KIRREL3: variants seen among roughly 807,000 people sequenced by gnomAD.
The protein encoded by KIRREL3 is kin of IRRE-like protein 3.
Under a neutral mutation model 89.7 loss-of-function variants are expected in KIRREL3, and 36 were observed. The ratio of observed to expected loss-of-function variants is 0.40; its 90% CI spans 0.31 to 0.53. The LOEUF (loss-of-function observed/expected upper bound fraction) is 0.53. Ranked by LOEUF, KIRREL3 falls within the 20% of genes least tolerant of loss-of-function variation. The pLI, the probability that KIRREL3 is intolerant of heterozygous loss-of-function variation, is 0.49. For missense variants in KIRREL3, 864 were observed against 1,056.6 expected (o/e 0.82, Z 2.53); for synonymous variants, 445 against 441.4 (o/e 1.01, Z -0.10).
chr11:126,544,104 T>C lies in KIRREL3; in HGVS notation c.134-17417A>G, dbSNP rs1185972382. On this transcript the variant is annotated intron_variant, in intron 2 of 16. Coordinates refer to ENST00000525144, the MANE Select transcript of KIRREL3 (RefSeq NM_032531.4). The surrounding 1 kb of genome is among the most constrained non-coding windows in gnomAD (Gnocchi z 5.6). ...TGCCCCTGGAGGTGGCGACAGCTCC[T>C]CTAATAAGAGAGTTACTCATGGCTT... 6.6e-6 allele frequency: 1 copy of C among 152,244 alleles called. No homozygotes were observed. The highest frequency in any genetic ancestry group is 2.4e-5 in the African/African-American group (1 of 41,460). 9.4% of individuals were successfully genotyped at this position (152,244 alleles called of 1,614,324 possible). A position where few individuals can be genotyped will look rare whatever the true frequency, so the allele number is the denominator to read the frequency against.
At chr11:126,625,594 A>G (rs1265347848) in intron 1 of KIRREL3, among the ~76,000 whole-genome samples, 5 of 152,178 alleles carry the variant, frequency 3.3e-5, no homozygotes, top group Non-Finnish European at 7.3e-5. Flanking sequence ...AACTCCTTGC[A>G]TGATATTCAC....
At chr11:126,698,533 A>C (rs1947188244) in intron 1 of KIRREL3, among the ~76,000 whole-genome samples, 1 of 152,190 alleles carries the variant, frequency 6.6e-6, no homozygotes, top group African/African-American at 2.4e-5. Flanking sequence ...TGGCAGAGAC[A>C]CCGGCCCGTG....
intron 1 of KIRREL3, among the ~76,000 whole-genome samples, chr11:126,942,131 G>A (rs1454954460): frequency 6.6e-6 from 1 of 152,182 alleles, no homozygotes; most frequent in Non-Finnish European, 1.5e-5. Flanking sequence ...TTCTGGAATA[G>A]AGCGTACGCC....
In KIRREL3 at chr11:126,569,763, G is replaced by T. The variant is rs745830305; in HGVS notation, c.56-6851C>A. On this transcript the variant is annotated intron_variant, in intron 1 of 16. Coordinates refer to ENST00000525144, the MANE Select transcript of KIRREL3 (RefSeq NM_032531.4). This position sits in a 1 kb window ranked among gnomAD's most constrained non-coding sequence, Gnocchi z 6.5. Reference sequence around the variant, plus strand: ...GAGGTCCTTGCAAAAGGCCTTGAAAGCTGGAGATTGTCCCTAGTTTTGTCT... The same window carrying T: ...GAGGTCCTTGCAAAAGGCCTTGAAATCTGGAGATTGTCCCTAGTTTTGTCT... Among the ~76,000 whole-genome samples the T allele has an allele frequency of 2.6e-5, 4 of 152,186 alleles. No individual in the cohort carries two copies. Among genetic ancestry groups the T allele is most frequent in the Non-Finnish European group, 5.9e-5 (4 of 68,032 alleles).
At chr11:126,524,079 T>A (rs1476067519) in intron 3 of KIRREL3, among the ~76,000 whole-genome samples, 4 of 152,210 alleles carry the variant, frequency 2.6e-5, no homozygotes, top group Middle Eastern at 3.2e-3. Context: ...AGAGTCTGGG[T>A]TCTATAGTCG....
chr11:126,759,192 C>T (rs147073217), intron 1 of KIRREL3, among the ~76,000 whole-genome samples: 74 of 152,250 alleles, frequency 4.9e-4, no homozygotes, highest in Non-Finnish European at 9.1e-4. Flanking sequence ...GCTCATGGTG[C>T]GATCTCGGCT....
At chr11:126,930,902 T>C (rs532026450) in intron 1 of KIRREL3, among the ~76,000 whole-genome samples, 5 of 152,348 alleles carry the variant, frequency 3.3e-5, no homozygotes, top group African/African-American at 1.2e-4. Context: ...TTGCCTCCTC[T>C]GTACATGTTC....
intron 1 of KIRREL3, among the ~76,000 whole-genome samples, chr11:126,962,030 C>T (rs1054784615): frequency 6.6e-6 from 1 of 152,188 alleles, no homozygotes; most frequent in Non-Finnish European, 1.5e-5. Flanking sequence ...AATATTACTG[C>T]TCATTGACAC....
intron 1 of KIRREL3, among the ~76,000 whole-genome samples, chr11:126,939,360 G>A (rs893948880): frequency 2.6e-5 from 4 of 152,172 alleles, no homozygotes; most frequent in African/African-American, 9.7e-5. Flanking sequence ...ACAAGTAATT[G>A]GTTCTCTTAA....
chr11:126,607,838 C>T lies in KIRREL3; in HGVS notation c.56-44926G>A, dbSNP rs144641451. Among the ~76,000 whole-genome samples, 2 of 152,280 alleles carry T rather than the reference C, an allele frequency of 1.3e-5. No individual in the cohort carries two copies. The highest frequency in any genetic ancestry group is 1.9e-4 in the East Asian group (1 of 5,174). ...AATAGGGAGCGTTGCTGAGCACTTG[C>T]AATCAAGACAGAGTTGCCACCCACT... is the stretch of plus-strand genomic sequence containing the variant. On this transcript the variant is annotated intron_variant, in intron 1 of 16. Coordinates refer to ENST00000525144, the MANE Select transcript of KIRREL3 (RefSeq NM_032531.4). This position sits in a 1 kb window ranked among gnomAD's most constrained non-coding sequence, Gnocchi z 6.6.
At chr11:126,447,188 T>G (rs572965164) in intron 8 of KIRREL3, among the ~76,000 whole-genome samples, 2 of 152,282 alleles carry the variant, frequency 1.3e-5, no homozygotes, top group South Asian at 4.1e-4. Context: ...TCTGCCTGGA[T>G]TTACCCCCAC....
rs1957669911 is a variant in KIRREL3 at position 126,496,821 on chromosome 11, CA to C, written c.434-23356del. Among the ~76,000 whole-genome samples, 1 of 152,102 alleles carries C rather than the reference CA, an allele frequency of 6.6e-6. No homozygotes were observed. The highest frequency in any genetic ancestry group is 6.5e-5 in the Admixed American group (1 of 15,268). The stretch of plus-strand genomic sequence containing the variant: ...TCAGCCAGGGGACTGAGACATAGGT[CA>C]CAAATCTAGGAGACTTCTCTCTGGG... On this transcript the variant is annotated intron_variant, in intron 4 of 16. Coordinates refer to ENST00000525144, the MANE Select transcript of KIRREL3 (RefSeq NM_032531.4). This position sits in a 1 kb window ranked among gnomAD's most constrained non-coding sequence, Gnocchi z 4.9.
At chr11:126,453,991 C>T (rs992480193) in intron 7 of KIRREL3, among the ~76,000 whole-genome samples, 1 of 152,092 alleles carries the variant, frequency 6.6e-6, no homozygotes, top group African/African-American at 2.4e-5. Flanking sequence ...TGGGGAAGCC[C>T]GCATGTTCTC....
intron 1 of KIRREL3, among the ~76,000 whole-genome samples, chr11:126,832,482 C>A (rs551177034): frequency 7.2e-5 from 11 of 152,324 alleles, no homozygotes; most frequent in Middle Eastern, 3.4e-3. Context: ...AGAGCTGAGA[C>A]TATCGTGAGG....
intron 1 of KIRREL3, among the ~76,000 whole-genome samples, chr11:126,873,686 C>T (rs1336974674): frequency 6.6e-6 from 1 of 152,180 alleles, no homozygotes; most frequent in East Asian, 1.9e-4. Flanking sequence ...TCCGGAACAC[C>T]TCAGGTCCAC....
chr11:126,568,710 C>T lies in KIRREL3; in HGVS notation c.56-5798G>A, dbSNP rs1591753279. ...AAAACGTTGATTCTAACGGTAAGAC[C>T]CTCCTCACATGATTCATATGAAAAG... On this transcript the variant is annotated intron_variant, in intron 1 of 16. Coordinates refer to ENST00000525144, the MANE Select transcript of KIRREL3 (RefSeq NM_032531.4). The surrounding 1 kb of genome is among the most constrained non-coding windows in gnomAD (Gnocchi z 4.6). Among the ~76,000 whole-genome samples, 1 of 152,248 alleles carries T rather than the reference C, an allele frequency of 6.6e-6. No individual in the cohort carries two copies. The highest frequency in any genetic ancestry group is 2.4e-5 in the African/African-American group (1 of 41,550).
rs1048793344 is a variant in KIRREL3, at chr11:126,555,923, G to A, written c.133+6912C>T. On this transcript the variant is annotated intron_variant, in intron 2 of 16. Transcript: ENST00000525144. The surrounding 1 kb of genome is among the most constrained non-coding windows in gnomAD (Gnocchi z 4.2). The stretch of plus-strand genomic sequence containing the variant: ...GCCTGGCTAATTTTTTGTGTTTTTG[G>A]TAGAGGTGGGGTTTCACTATTTTGG... Among the ~76,000 whole-genome samples, 28 of 152,164 alleles carry A rather than the reference G, an allele frequency of 1.8e-4. No homozygotes were observed. Among genetic ancestry groups the A allele is most frequent in the Non-Finnish European group, 1.5e-5 (1 of 67,988 alleles).
At chr11:126,944,851 GA>G (rs1948572311) in intron 1 of KIRREL3, 1 of 152,224 alleles carries the variant, frequency 6.6e-6, no homozygotes, top group Non-Finnish European at 1.5e-5. Context: ...CAGCATGGGG[GA>G]TTGTCAGATA....
In KIRREL3 at chr11:126,703,323, T is replaced by C. The variant is rs975694571; in HGVS notation, c.56-140411A>G. On this transcript the variant is annotated intron_variant, in intron 1 of 16. Transcript: ENST00000525144. The surrounding 1 kb of genome is among the most constrained non-coding windows in gnomAD (Gnocchi z 4.6). ...GGAATGGTGCTCCTGAGAGCTGTTC[T>C]CTGCAGCAGCTTTGCTCATGGGGCA... Among the ~76,000 whole-genome samples the C allele has an allele frequency of 2.0e-5, 3 of 152,268 alleles. No homozygotes were observed. The highest frequency in any genetic ancestry group is 7.2e-5 in the African/African-American group (3 of 41,472).
Sources: allele counts gnomAD v4.1 joint callset (sites outside exome capture counted in the v4.1 genomes callset), GRCh38; gene constraint gnomAD v4.1.1; non-coding constraint Gnocchi (gnomAD v3.1); transcripts MANE v1.5; gene names NCBI Gene and HGNC (gene_info 2026-07-23, HGNC 2026-07-21).